CDKAL1: variants seen among roughly 807,000 people sequenced by gnomAD.
CDKAL1 encodes the protein threonylcarbamoyladenosine tRNA methylthiotransferase.
In CDKAL1, 32 loss-of-function variants were observed where a neutral mutation model predicts 68.2. The ratio of observed to expected loss-of-function variants is 0.47; its 90% confidence interval spans 0.35 to 0.63. The LOEUF (loss-of-function observed/expected upper bound fraction) is 0.63, where lower values mean the gene tolerates loss of function less well. Ranked by LOEUF, CDKAL1 falls within the 30% of genes least tolerant of loss-of-function variation. The pLI, the probability that CDKAL1 is intolerant of heterozygous loss-of-function variation, is 0.00. For synonymous variants in CDKAL1, 234 were observed against 244.3 expected, an observed-to-expected ratio of 0.96 and a Z score of 0.39; for missense variants, 606 against 696.7, an observed-to-expected ratio of 0.87 and a Z score of 1.47.
intron 10 of CDKAL1, among the ~76,000 whole-genome samples, chr6:20,989,706 T>C (rs1361667089): frequency 6.6e-6 from 1 of 152,228 alleles, no homozygotes; most frequent in Non-Finnish European, 1.5e-5. Flanking sequence ...TTAAGGCTTT[T>C]TATAGCGTAT....
chr6:20,837,384 T>C (rs1181420241), intron 8 of CDKAL1, among the ~76,000 whole-genome samples: 1 of 152,174 alleles, frequency 6.6e-6, no homozygotes, highest in African/African-American at 2.4e-5. Flanking sequence ...TTACATGTTA[T>C]AGAATTAGCC....
chr6:21,002,578 C>G (rs9366373), intron 11 of CDKAL1, among the ~76,000 whole-genome samples: 90,897 of 151,092 alleles, frequency 0.6, 27,629 homozygotes, highest in East Asian at 0.86. Flanking sequence ...AGATATATTG[C>G]AAAACTGTAG....
chr6:21,051,647 A>C (rs79877664), intron 11 of CDKAL1, among the ~76,000 whole-genome samples: 3,281 of 152,258 alleles, frequency 0.022, 120 homozygotes, highest in African/African-American at 0.074. Flanking sequence ...ATTAAACAAG[A>C]TGAAGTTGTT....
chr6:20,876,878 C>G (rs1194935897), intron 9 of CDKAL1, among the ~76,000 whole-genome samples: 1 of 152,194 alleles, frequency 6.6e-6, no homozygotes, highest in East Asian at 1.9e-4. Flanking sequence ...AGCTACCTAT[C>G]TCCTCTCTTA....
intron 4 of CDKAL1, among the ~76,000 whole-genome samples, chr6:20,607,058 T>A (rs139663037): frequency 6.6e-6 from 1 of 152,358 alleles, no homozygotes; most frequent in Non-Finnish European, 1.5e-5. Context: ...GCTGGGTCTT[T>A]GACTGCTAGG....
chr6:20,925,493 A>G (rs1303235596), intron 9 of CDKAL1, among the ~76,000 whole-genome samples: 1 of 152,214 alleles, frequency 6.6e-6, no homozygotes, highest in Non-Finnish European at 1.5e-5. Context: ...ATATACTGTT[A>G]TAAGAGTAGA....
intron 8 of CDKAL1, among the ~76,000 whole-genome samples, chr6:20,844,696 AAAG>A (rs1778307094): frequency 2.1e-5 from 2 of 95,972 alleles, no homozygotes; most frequent in South Asian, 6.8e-4. Flanking sequence ...TTAAAAAAAA[AAAG>A]AAACAGAAAA....
At chr6:21,132,097 A>G (rs1197731729) in intron 13 of CDKAL1, among the ~76,000 whole-genome samples, 1 of 152,190 alleles carries the variant, frequency 6.6e-6, no homozygotes, top group Non-Finnish European at 1.5e-5. Context: ...AATTTTAGAA[A>G]GAGGCTAATA....
chr6:21,032,343 G>A (rs1160727043), intron 11 of CDKAL1, among the ~76,000 whole-genome samples: 1 of 151,926 alleles, frequency 6.6e-6, no homozygotes, highest in Non-Finnish European at 1.5e-5. Context: ...CAAAGTGCTG[G>A]GATTACAGAC....
chr6:20,884,687 A>G (rs1375699462), intron 9 of CDKAL1, among the ~76,000 whole-genome samples: 1 of 152,266 alleles, frequency 6.6e-6, no homozygotes, highest in East Asian at 1.9e-4. Flanking sequence ...TGCAAAAATC[A>G]GTTGTGTTTC....
intron 15 of CDKAL1, among the ~76,000 whole-genome samples, chr6:21,225,575 A>G (rs77273746): frequency 0.021 from 3,179 of 152,168 alleles, 111 homozygotes; most frequent in African/African-American, 0.072. Flanking sequence ...CATTACTTCT[A>G]TTCCTTCTGA....
chr6:20,738,064 C>T (rs754580271), intron 5 of CDKAL1, among the ~76,000 whole-genome samples: 7 of 152,072 alleles, frequency 4.6e-5, no homozygotes, highest in South Asian at 2.1e-4. Flanking sequence ...AATGTCACAC[C>T]GACAGAAACT....
At chr6:20,997,820 T>C (rs2150812240) in intron 10 of CDKAL1, among the ~76,000 whole-genome samples, 1 of 152,288 alleles carries the variant, frequency 6.6e-6, no homozygotes, top group South Asian at 2.1e-4. Flanking sequence ...AAAGCTGTTT[T>C]ATTTATTGAT....
chr6:20,733,896 C>T lies in CDKAL1; in HGVS notation c.372-5623C>T, dbSNP rs568305888. On this transcript the variant is annotated intron_variant, in intron 5 of 15. Transcript: ENST00000274695. Reference sequence around the variant, plus strand: ...GGGCATGGTGGCTCATGCCTGTAATCCCAGCACTTTGGGAGGCTGAGGTGG... The same window carrying T: ...GGGCATGGTGGCTCATGCCTGTAATTCCAGCACTTTGGGAGGCTGAGGTGG... 7.9e-5 allele frequency among the ~76,000 whole-genome samples: 12 copies of T among 151,948 alleles called. 1 individual carries two copies. In the East Asian group the frequency reaches 2.3e-3, roughly 29 times the overall value.
chr6:21,117,672 A>G (rs1391528598), intron 13 of CDKAL1, among the ~76,000 whole-genome samples: 1 of 152,160 alleles, frequency 6.6e-6, no homozygotes, highest in African/African-American at 2.4e-5. Context: ...TGAAATTTGT[A>G]TTTAGCTGTG....
rs749279457 is a variant in CDKAL1, at chr6:20,739,630, G to C, written c.468+15G>C. 2 of 1,439,902 alleles carry C rather than the reference G, an allele frequency of 1.4e-6. No individual in the cohort carries two copies. Among genetic ancestry groups the C allele is most frequent in the African/African-American group, 2.8e-5 (2 of 70,268 alleles). The allele number at this position is 1,439,902 out of a possible 1,614,324, so 89.2% of individuals were successfully genotyped here. ...GTATCATTGGGGTAAGCTTGTACCT[G>C]ATGCAAAAAGAGAAAATCTTACATT... On this transcript the variant is annotated intron_variant, in intron 6 of 15. Coordinates refer to ENST00000274695, the MANE Select transcript of CDKAL1 (RefSeq NM_017774.3).
intron 5 of CDKAL1, among the ~76,000 whole-genome samples, chr6:20,676,931 C>T (rs182566955): frequency 1.4e-3 from 212 of 152,098 alleles, no homozygotes; most frequent in Middle Eastern, 6.8e-3. Context: ...TGCCTAATGA[C>T]GTATTTCTTG....
At position 21,113,103 on chromosome 6, in the gene CDKAL1, G is replaced by A. The variant is rs568078562; in HGVS notation, c.1299+4640G>A. On this transcript the variant is annotated intron_variant, in intron 13 of 15. Coordinates refer to ENST00000274695, the MANE Select transcript of CDKAL1 (RefSeq NM_017774.3). ...TATAAGTCATTAACAGAGGAACTCC[G>A]AAAGTGCAGCTGCCCAAGACCACTT... Among the ~76,000 whole-genome samples the A allele has an allele frequency of 1.4e-4, 22 of 152,268 alleles. 1 individual carries two copies. The highest frequency in any genetic ancestry group is 4.8e-4 in the African/African-American group (20 of 41,552).
intron 5 of CDKAL1, among the ~76,000 whole-genome samples, chr6:20,714,318 G>A (rs554128149): frequency 1.4e-4 from 21 of 146,362 alleles, no homozygotes; most frequent in Non-Finnish European, 2.2e-4. Context: ...AGTGTTTGTC[G>A]TAATCAATGA....
Sources: gnomAD v4.1 joint callset for allele counts (sites outside exome capture counted in the v4.1 genomes callset) on GRCh38, gnomAD v4.1.1 for gene constraint, MANE v1.5 for transcripts, NCBI Gene and HGNC (gene_info 2026-07-23, HGNC 2026-07-21) for gene names.